ARSJ: variants seen among roughly 807,000 people sequenced by gnomAD.
ARSJ encodes arylsulfatase J.
ARSJ carries 26 observed loss-of-function variants against 35.9 expected under a neutral mutation model. The ratio of observed to expected loss-of-function variants is 0.72; its 90% CI spans 0.53 to 1.00. ARSJ has a LOEUF of 1.00. ARSJ is among the 50% of genes least tolerant of loss of function. The probability of loss-of-function intolerance (pLI) is 0.00; values close to 1 mark genes in which losing one functional copy is unlikely to be tolerated. For synonymous variants in ARSJ, 294 were observed against 267.6 expected (o/e 1.10, Z -0.96); for missense variants, 667 against 723.6 (o/e 0.92, Z 0.90).
rs976125080 is a variant in ARSJ at position 113,978,917 on chromosome 4, G to A, written c.-83C>T. On this transcript the variant is annotated 5_prime_UTR_variant, in exon 1 of 2. Coordinates refer to ENST00000315366, the MANE Select transcript of ARSJ (RefSeq NM_024590.4). ...GGCGCACACATGCACCCAACAGACG[G>A]TGAAGACTCTCCACCTGGCAAGAAA... 1.5e-5 allele frequency: 21 copies of A among 1,410,596 alleles called. No individual in the cohort carries two copies. Among genetic ancestry groups the A allele is most frequent in the Non-Finnish European group, 8.6e-6 (9 of 1,046,980 alleles). The allele number at this position is 1,410,596 out of a possible 1,614,324, so 87.4% of individuals were successfully genotyped here. A position where few individuals can be genotyped will look rare whatever the true frequency, so the allele number is the denominator to read the frequency against.
chr4:113,959,074 A>G (rs1237989168), intron 1 of ARSJ, among the ~76,000 whole-genome samples: 2 of 152,076 alleles, frequency 1.3e-5, no homozygotes, highest in Non-Finnish European at 2.9e-5. Flanking sequence ...ATAGCAATTT[A>G]AAAGCACGAT....
At chr4:113,953,347 A>T (rs1725978218) in intron 1 of ARSJ, among the ~76,000 whole-genome samples, 1 of 152,050 alleles carries the variant, frequency 6.6e-6, no homozygotes, top group Non-Finnish European at 1.5e-5. Context: ...CTGTAATCAA[A>T]TTTCATCAGT....
At chr4:113,907,512 G>A (rs1435491323) in intron 1 of ARSJ, among the ~76,000 whole-genome samples, 1 of 131,440 alleles carries the variant, frequency 7.6e-6, no homozygotes, top group Non-Finnish European at 1.7e-5. Flanking sequence ...TTTAATGAAA[G>A]TGAATATAAT....
intron 1 of ARSJ, among the ~76,000 whole-genome samples, chr4:113,949,755 T>A (rs572314332): frequency 6.6e-6 from 1 of 152,086 alleles, no homozygotes; most frequent in Non-Finnish European, 1.5e-5. Context: ...ATTAGTGTCA[T>A]CTGAATATGA....
chr4:113,959,796 C>T (rs946162890), intron 1 of ARSJ, among the ~76,000 whole-genome samples: 1 of 151,944 alleles, frequency 6.6e-6, no homozygotes, highest in South Asian at 2.1e-4. Flanking sequence ...AATTTGGTTT[C>T]TGAAAAATGG....
At chr4:113,910,284 G>A (rs1391276693) in intron 1 of ARSJ, among the ~76,000 whole-genome samples, 1 of 152,136 alleles carries the variant, frequency 6.6e-6, no homozygotes, top group African/African-American at 2.4e-5. Flanking sequence ...GGATACTATA[G>A]TCTATGAATT....
chr4:113,923,363 C>G (rs1182740642), intron 1 of ARSJ, among the ~76,000 whole-genome samples: 2 of 151,978 alleles, frequency 1.3e-5, no homozygotes, highest in Non-Finnish European at 2.9e-5. Flanking sequence ...AATATAGAAG[C>G]AAAATTTTGA....
chr4:113,944,965 T>C (rs995515076), intron 1 of ARSJ, among the ~76,000 whole-genome samples: 2 of 152,118 alleles, frequency 1.3e-5, no homozygotes, highest in African/African-American at 2.4e-5. Flanking sequence ...GGCATCTTAA[T>C]TGTTCTGGCC....
chr4:113,938,988 T>C (rs768004886), intron 1 of ARSJ, among the ~76,000 whole-genome samples: 115 of 151,668 alleles, frequency 7.6e-4, no homozygotes, highest in Middle Eastern at 3.2e-3. Flanking sequence ...TGTATACATG[T>C]GCCATGCTGG....
chr4:113,905,660 A>ATTTTTTTTTTT (rs766150372), intron 1 of ARSJ, among the ~76,000 whole-genome samples: 2 of 81,850 alleles, frequency 2.4e-5, no homozygotes, highest in African/African-American at 5.1e-5. Context: ...GTTCTTGATA[A>ATTTTTTTTTTT]TTTTTTTTTT....
chr4:113,953,044 A>T (rs180817194), intron 1 of ARSJ, among the ~76,000 whole-genome samples: 1 of 152,206 alleles, frequency 6.6e-6, no homozygotes, highest in Admixed American at 6.5e-5. Context: ...CCATTCTTGG[A>T]ACAAGCTTTG....
intron 1 of ARSJ, 75 bp downstream of exon 1, chr4:113,978,362 T>G: frequency 7.2e-7 from 1 of 1,394,412 alleles, no homozygotes; most frequent in South Asian, 1.4e-5. Context: ...GTTACTCCCT[T>G]AAATTTGGAG....
intron 1 of ARSJ, among the ~76,000 whole-genome samples, chr4:113,971,714 T>C (rs1727260618): frequency 6.6e-6 from 1 of 152,250 alleles, no homozygotes; most frequent in Non-Finnish European, 1.5e-5. Flanking sequence ...TTTTTCTAAA[T>C]GTTTAAGTAT....
intron 1 of ARSJ, among the ~76,000 whole-genome samples, chr4:113,976,820 C>A (rs118135970): frequency 6.6e-6 from 1 of 152,074 alleles, no homozygotes; most frequent in East Asian, 1.9e-4. Flanking sequence ...TAATCTTTCA[C>A]CAAAGAGAAA....
Position 113,947,239 on chromosome 4 carries a change from G to T in ARSJ, c.398+31198C>A, listed in dbSNP as rs150147210. 1.8e-4 allele frequency among the ~76,000 whole-genome samples: 27 copies of T among 152,142 alleles called. No individual in the cohort carries two copies. In the East Asian group the frequency reaches 4.5e-3, roughly 25 times the overall value. ...CTGAGACCTGTAATCCCAGCACATT[G>T]GGAAGCCAAGGGAGGAGGATAACTT... On this transcript the variant is annotated intron_variant, in intron 1 of 1. Transcript: ENST00000315366.
In ARSJ at chr4:113,901,536, A is replaced by G. The variant is rs2099667050; in HGVS notation, c.*738T>C. 6.6e-6 allele frequency: 1 copy of G among 152,626 alleles called. No homozygotes were observed. The highest frequency in any genetic ancestry group is 2.4e-5 in the African/African-American group (1 of 41,466). 9.5% of individuals were successfully genotyped at this position (152,626 alleles called of 1,614,324 possible). A position where few individuals can be genotyped will look rare whatever the true frequency, so the allele number is the denominator to read the frequency against. ...CAACAAAATATTTTTCTGTAAAAAT[A>G]AATTAGGTTTTTTATACTGAAATGT... On this transcript the variant is annotated 3_prime_UTR_variant, in exon 2 of 2. Coordinates refer to ENST00000315366, the MANE Select transcript of ARSJ (RefSeq NM_024590.4).
In ARSJ at chr4:113,902,461, T is replaced by G; in HGVS notation, c.1613A>C (p.Lys538Thr). The change falls in exon 2 of 2, where the codon AAA becomes ACA. Residue 538 changes from lysine (K) to threonine (T), a missense_variant. By Grantham distance (78) the Lys-to-Thr change is moderately conservative. Coordinates refer to ENST00000315366, the MANE Select transcript of ARSJ (RefSeq NM_024590.4). The stretch of plus-strand genomic sequence containing the variant: ...GAGCCTAGGGTTACTTCTGGGGTCT[T>G]TGGGGGGATACCTGACCGGCACTGC... ...KTAVPVRYPP[K>T]DPRSNPRLNG... is the part of the protein sequence containing the mutation. The G allele has an allele frequency of 6.2e-7, 1 of 1,614,096 alleles. No individual in the cohort carries two copies. Among genetic ancestry groups the G allele is most frequent in the Non-Finnish European group, 8.5e-7 (1 of 1,180,014 alleles).
At chr4:113,974,305 T>C (rs1327756688) in intron 1 of ARSJ, among the ~76,000 whole-genome samples, 1 of 150,872 alleles carries the variant, frequency 6.6e-6, no homozygotes, top group Non-Finnish European at 1.5e-5. Flanking sequence ...ATAAAAAAAA[T>C]GAAAAATCGC....
chr4:113,952,083 G>A (rs1053172244), intron 1 of ARSJ, among the ~76,000 whole-genome samples: 2 of 151,952 alleles, frequency 1.3e-5, no homozygotes, highest in Non-Finnish European at 2.9e-5. Context: ...TTAAGAGACA[G>A]GGTCTCACTA....
Sources: allele counts gnomAD v4.1 joint callset (sites outside exome capture counted in the v4.1 genomes callset), GRCh38; gene constraint gnomAD v4.1.1; transcripts MANE v1.5; gene names NCBI Gene and HGNC (gene_info 2026-07-23, HGNC 2026-07-21).